The following DLG2 variants were observed in gnomAD, a reference collection of about 807,000 sequenced individuals.
The protein encoded by DLG2 is disks large homolog 2.
A neutral mutation model predicts 132.5 loss-of-function variants in DLG2; 45 were observed. The observed-to-expected ratio is 0.34, with a 90% CI of 0.27 to 0.44. The LOEUF (loss-of-function observed/expected upper bound fraction) is 0.44, where lower values mean the gene tolerates loss of function less well. DLG2 is among the 20% of genes least tolerant of loss of function. DLG2 has a pLI of 1.00. For synonymous variants in DLG2, 424 were observed against 419.6 expected, an observed-to-expected ratio of 1.01 and a Z score of -0.13; for missense variants, 1,045 against 1,196.9, an observed-to-expected ratio of 0.87 and a Z score of 1.87.
intron 6 of DLG2, among the ~76,000 whole-genome samples, chr11:84,981,989 A>G (rs943202542): frequency 3.9e-5 from 6 of 152,146 alleles, no homozygotes; most frequent in African/African-American, 1.4e-4. Context: ...CTTTTTGGCA[A>G]TAAGAAACTC....
Position 84,631,967 on chromosome 11 carries a change from T to A in DLG2, c.358-97236A>T, listed in dbSNP as rs193217382. Among the ~76,000 whole-genome samples, 27 of 152,294 alleles carry A rather than the reference T, an allele frequency of 1.8e-4. 1 individual carries two copies. The East Asian group carries it at 5.0e-3, about 28-fold the overall frequency. On this transcript the variant is annotated intron_variant, in intron 6 of 27. Coordinates refer to ENST00000376104, the MANE Select transcript of DLG2 (RefSeq NM_001142699.3). ...TTATTATGAGAACTAAATAAAAGGA[T>A]GAGAAGTCCCTAACATAATATATAT...
intron 6 of DLG2, among the ~76,000 whole-genome samples, chr11:84,691,892 A>C (rs1363029087): frequency 1.3e-5 from 2 of 151,606 alleles, no homozygotes; most frequent in African/African-American, 4.8e-5. Context: ...CTCATTTCCC[A>C]TACCTTCCTC....
At chr11:83,507,608 G>A (rs920306362) in intron 21 of DLG2, among the ~76,000 whole-genome samples, 5 of 144,294 alleles carry the variant, frequency 3.5e-5, no homozygotes, top group Admixed American at 1.4e-4. Context: ...AGGATATATA[G>A]ATATATATAA....
chr11:83,720,311 AAAAAAAAAAAAAAAAG>A (rs1443725347), intron 18 of DLG2, among the ~76,000 whole-genome samples: 1 of 147,180 alleles, frequency 6.8e-6, no homozygotes, highest in Non-Finnish European at 1.5e-5. Context: ...AAAAAAAAAA[AAAAAAAAAAAAAAAAG>A]AATGACATTC....
At chr11:84,923,288 C>A in intron 6 of DLG2, 6 of 1,452,074 alleles carry the variant, frequency 4.1e-6, no homozygotes, top group Non-Finnish European at 5.4e-6. Context: ...CTTGAAGGCA[C>A]TGAGTGAGAG....
At chr11:84,580,321 A>G (rs979472837) in intron 6 of DLG2, among the ~76,000 whole-genome samples, 2 of 152,246 alleles carry the variant, frequency 1.3e-5, no homozygotes, top group Admixed American at 1.3e-4. Flanking sequence ...TAAAATTTGC[A>G]TGGATTTTTA....
chr11:85,579,607 T>C (rs1005738628), intron 3 of DLG2, among the ~76,000 whole-genome samples: 2 of 151,988 alleles, frequency 1.3e-5, no homozygotes, highest in Non-Finnish European at 2.9e-5. Context: ...GTACCTTGGG[T>C]GGAGAGTGAA....
At chr11:85,036,597 C>T (rs2061455263) in intron 6 of DLG2, among the ~76,000 whole-genome samples, 1 of 152,084 alleles carries the variant, frequency 6.6e-6, no homozygotes, top group East Asian at 1.9e-4. Context: ...AAACAAATGC[C>T]TATAATAACC....
At chr11:84,062,458 G>A (rs1216713159) in intron 10 of DLG2, among the ~76,000 whole-genome samples, 1 of 152,178 alleles carries the variant, frequency 6.6e-6, no homozygotes, top group Non-Finnish European at 1.5e-5. Context: ...TTGCTATTGA[G>A]TGGATCAAAG....
chr11:85,186,814 G>A (rs568589252), intron 4 of DLG2, among the ~76,000 whole-genome samples: 54 of 152,022 alleles, frequency 3.6e-4, no homozygotes, highest in African/African-American at 1.3e-3. Context: ...TCAGGCTCGG[G>A]TTTCAAGTTA....
intron 5 of DLG2, among the ~76,000 whole-genome samples, chr11:85,145,385 CT>C (rs2076773230): frequency 6.6e-6 from 1 of 152,118 alleles, no homozygotes; most frequent in Non-Finnish European, 1.5e-5. Flanking sequence ...GGAAATGTCT[CT>C]GTTATTATTT....
intron 3 of DLG2, among the ~76,000 whole-genome samples, chr11:85,427,150 T>C (rs986256638): frequency 2.6e-5 from 4 of 152,126 alleles, no homozygotes; most frequent in Non-Finnish European, 4.4e-5. Context: ...TCTACATCGA[T>C]TGGTGTACCT....
intron 6 of DLG2, among the ~76,000 whole-genome samples, chr11:85,073,122 A>T (rs573032065): frequency 6.6e-6 from 1 of 152,042 alleles, no homozygotes; most frequent in East Asian, 1.9e-4. Flanking sequence ...TTAAAAATAC[A>T]TATTTTCCCT....
At chr11:85,369,201 G>A (rs746336013) in intron 3 of DLG2, among the ~76,000 whole-genome samples, 9 of 152,060 alleles carry the variant, frequency 5.9e-5, no homozygotes, top group Non-Finnish European at 1.0e-4. Flanking sequence ...ACAGGCAAGC[G>A]GGGTCTCCTT....
intron 4 of DLG2, among the ~76,000 whole-genome samples, chr11:85,181,818 C>T (rs2079723376): frequency 6.6e-6 from 1 of 151,532 alleles, no homozygotes; most frequent in Non-Finnish European, 1.5e-5. Flanking sequence ...TTCAACCAGG[C>T]TTCATCCTAG....
intron 7 of DLG2, among the ~76,000 whole-genome samples, chr11:84,264,869 G>A (rs1384233932): frequency 6.6e-6 from 1 of 152,152 alleles, no homozygotes; most frequent in African/African-American, 2.4e-5. Context: ...TTTAGCAGAC[G>A]AGGCTTCTAG....
intron 4 of DLG2, among the ~76,000 whole-genome samples, chr11:85,229,870 T>TA (rs1164058429): frequency 1.3e-5 from 2 of 152,052 alleles, no homozygotes; most frequent in African/African-American, 4.8e-5. Flanking sequence ...ACCAGCATTC[T>TA]CAGCAAACTA....
At chr11:85,196,148 G>T (rs1011899027) in intron 4 of DLG2, among the ~76,000 whole-genome samples, 1 of 152,116 alleles carries the variant, frequency 6.6e-6, no homozygotes, top group Non-Finnish European at 1.5e-5. Flanking sequence ...GTTGCTCAAG[G>T]TTGTAAAATC....
intron 6 of DLG2, among the ~76,000 whole-genome samples, chr11:84,931,362 A>G (rs946344371): frequency 2.0e-5 from 3 of 151,770 alleles, no homozygotes; most frequent in Non-Finnish European, 1.5e-5. Flanking sequence ...ATTCCCCTCT[A>G]TGTGTCCGTG....
Sources: allele counts gnomAD v4.1 joint callset (sites outside exome capture counted in the v4.1 genomes callset), GRCh38; gene constraint gnomAD v4.1.1; transcripts MANE v1.5; gene names NCBI Gene and HGNC (gene_info 2026-07-23, HGNC 2026-07-21).